Variants in NFIL3 observed in about 807,000 individuals in gnomAD.
NFIL3 encodes the protein nuclear factor interleukin-3-regulated protein.
Under a neutral mutation model 10.0 loss-of-function variants are expected in NFIL3, and 5 were observed. The observed-to-expected ratio is 0.50, with a 90% CI of 0.26 to 1.06. The LOEUF is 1.06. Ranked by LOEUF, NFIL3 falls within the 50% of genes least tolerant of loss-of-function variation. The pLI is 0.13. For missense variants in NFIL3, 436 were observed against 547.6 expected, an observed-to-expected ratio of 0.80 and a Z score of 2.03; for synonymous variants, 202 against 206.5, an observed-to-expected ratio of 0.98 and a Z score of 0.19.
chr9:91,432,647 C>T, the NFIL3 span, among the ~76,000 whole-genome samples: 1 of 137,146 alleles, frequency 7.3e-6, no homozygotes. Flanking sequence ...CTATATATTC[C>T]AGTGAAGTTG....
At chr9:91,428,611 C>A (rs917707743), upstream of NFIL3, among the ~76,000 whole-genome samples, 2 of 152,182 alleles carry the variant, frequency 1.3e-5, no homozygotes, top group Non-Finnish European at 2.9e-5. Context: ...TTAAGCAGCT[C>A]TTGCTCAAGC....
chr9:91,427,708 C>T (rs547222833), upstream of NFIL3, among the ~76,000 whole-genome samples: 198 of 152,190 alleles, frequency 1.3e-3, no homozygotes, highest in South Asian at 5.8e-3. Flanking sequence ...GGAGTGATCA[C>T]GGCTCACTGC....
At chr9:91,415,681 G>A (rs1189011411) in intron 1 of NFIL3, among the ~76,000 whole-genome samples, 1 of 150,798 alleles carries the variant, frequency 6.6e-6, no homozygotes, top group Non-Finnish European at 1.5e-5. Flanking sequence ...AGGCTGGAGT[G>A]CAATGGCGCG....
Position 91,410,268 on chromosome 9 carries a change from T to A in NFIL3, c.467A>T (p.Lys156Ile), listed in dbSNP as rs757117768. ...GTCCACAAATGAACTCACATTGGAT[T>A]TGGAAGTCTGGTAATCTTGAAAGTA... The part of the protein sequence containing the change: ...AVYFQDYQTS[K>I]SNVSSFVDEH... The change falls in exon 2 of 2, where the codon AAA becomes ATA. Residue 156 changes from lysine to isoleucine, a missense_variant. Lys to Ile is a moderately radical substitution (Grantham distance 102, BLOSUM62 -3). Coordinates refer to ENST00000297689, the MANE Select transcript of NFIL3 (RefSeq NM_005384.3). This position sits in a 1 kb window ranked among gnomAD's most constrained non-coding sequence, Gnocchi z 5.7. 5 of 1,614,108 alleles carry A rather than the reference T, an allele frequency of 3.1e-6. No individual in the cohort carries two copies. In the South Asian group the frequency reaches 3.3e-5, roughly 11 times the overall value.
chr9:91,431,274 T>C, the NFIL3 span, among the ~76,000 whole-genome samples: 105 of 151,920 alleles, frequency 6.9e-4, no homozygotes, highest in African/African-American at 2.5e-3. Flanking sequence ...GTTCAAAGCC[T>C]GGACTCTAGA....
chr9:91,459,659 T>G, the NFIL3 span, among the ~76,000 whole-genome samples: 1 of 152,162 alleles, frequency 6.6e-6, no homozygotes, highest in Admixed American at 6.5e-5. Context: ...CACTCTAGCC[T>G]GGGTGACAGA....
At chr9:91,474,201 G>T in the NFIL3 span, among the ~76,000 whole-genome samples, 1 of 151,628 alleles carries the variant, frequency 6.6e-6, no homozygotes, top group Admixed American at 6.6e-5. Context: ...CTATTAATAT[G>T]ATCTTATGGT....
chr9:91,479,128 G>T, the NFIL3 span, among the ~76,000 whole-genome samples: 10 of 152,308 alleles, frequency 6.6e-5, no homozygotes, highest in African/African-American at 2.4e-4. Flanking sequence ...GGGGTCAGGG[G>T]CCCACTTGAG....
intron 1 of NFIL3, among the ~76,000 whole-genome samples, chr9:91,415,452 C>T (rs1281508239): frequency 6.6e-6 from 1 of 152,112 alleles, no homozygotes; most frequent in Non-Finnish European, 1.5e-5. Flanking sequence ...TACATTCAGG[C>T]CCAGTTCCTT....
chr9:91,433,209 A>G, the NFIL3 span, among the ~76,000 whole-genome samples: 5 of 152,186 alleles, frequency 3.3e-5, no homozygotes, highest in African/African-American at 1.2e-4. Context: ...TAAAAACAAA[A>G]TTTTCCTGCA....
the NFIL3 span, among the ~76,000 whole-genome samples, chr9:91,472,950 A>G: frequency 6.6e-6 from 1 of 152,174 alleles, no homozygotes; most frequent in South Asian, 2.1e-4. Context: ...TTTTCTTTCT[A>G]ACAGTCAGGA....
At position 91,421,202 on chromosome 9, in the gene NFIL3, T is replaced by G. The variant is rs7855930; in HGVS notation, c.-173+2438A>C. On this transcript the variant is annotated intron_variant, in intron 1 of 1. Transcript: ENST00000297689. ...GCCGCGGAGACGCAGGCGCTCCGGGTCGCCCGCGCTGCCCCTGTCTGCCCC... is the reference window on the plus strand; with the variant it reads ...GCCGCGGAGACGCAGGCGCTCCGGGGCGCCCGCGCTGCCCCTGTCTGCCCC... Among the ~76,000 whole-genome samples the G allele has an allele frequency of 3.1e-3, 468 of 151,938 alleles. 2 individuals are homozygous for G. Among genetic ancestry groups the G allele is most frequent in the African/African-American group, 0.011 (443 of 41,444 alleles).
At chr9:91,413,546 C>T (rs1207904243) in intron 1 of NFIL3, among the ~76,000 whole-genome samples, 5 of 152,094 alleles carry the variant, frequency 3.3e-5, no homozygotes, top group African/African-American at 7.2e-5. Context: ...CCACCACGCC[C>T]GGCCAACAAT....
chr9:91,447,101 C>G, the NFIL3 span, among the ~76,000 whole-genome samples: 2 of 152,198 alleles, frequency 1.3e-5, no homozygotes, highest in African/African-American at 4.8e-5. Context: ...CAGATGTGAG[C>G]CACTGCGCCC....
At chr9:91,430,503 A>G in the NFIL3 span, among the ~76,000 whole-genome samples, 1 of 152,140 alleles carries the variant, frequency 6.6e-6, no homozygotes, top group Non-Finnish European at 1.5e-5. Flanking sequence ...TAACTCGAAT[A>G]CTGTCGCGGT....
intron 1 of NFIL3, among the ~76,000 whole-genome samples, chr9:91,412,123 ACCC>A (rs369894894): frequency 2.8e-5 from 3 of 105,934 alleles, no homozygotes; most frequent in Non-Finnish European, 3.8e-5. Context: ...AAAAAAAAAA[ACCC>A]CACACAAAAC....
the NFIL3 span, among the ~76,000 whole-genome samples, chr9:91,463,889 G>A: frequency 5.9e-5 from 9 of 151,982 alleles, no homozygotes; most frequent in East Asian, 1.9e-4. Flanking sequence ...TTGGAGAATC[G>A]ACTCCTTTAT....
the NFIL3 span, among the ~76,000 whole-genome samples, chr9:91,435,594 T>C: frequency 6.6e-6 from 1 of 152,172 alleles, no homozygotes; most frequent in East Asian, 1.9e-4. Flanking sequence ...GAATCAGTTT[T>C]AGAGACATCT....
the NFIL3 span, among the ~76,000 whole-genome samples, chr9:91,462,565 T>G: frequency 6.6e-6 from 1 of 152,132 alleles, no homozygotes; most frequent in Non-Finnish European, 1.5e-5. Flanking sequence ...TAATGCATAA[T>G]CCTTTTTATG....
Sources: allele counts gnomAD v4.1 joint callset (sites outside exome capture counted in the v4.1 genomes callset), GRCh38; gene constraint gnomAD v4.1.1; non-coding constraint Gnocchi (gnomAD v3.1); transcripts MANE v1.5; gene names NCBI Gene and HGNC (gene_info 2026-07-23, HGNC 2026-07-21).